Variants in GRM8 observed in about 807,000 individuals in gnomAD.
GRM8 encodes metabotropic glutamate receptor 8.
In GRM8, 47 loss-of-function variants were observed where a neutral mutation model predicts 87.2. That is an observed-to-expected ratio of 0.54 (90% CI 0.43 to 0.69). The LOEUF (loss-of-function observed/expected upper bound fraction) is 0.69. Among genes scored for constraint, GRM8 ranks in the 30% least tolerant of loss-of-function variants. The probability of loss-of-function intolerance (pLI) is 0.00; values close to 1 mark genes in which losing one functional copy is unlikely to be tolerated. For missense variants in GRM8, 1,019 were observed against 1,139.2 expected, an observed-to-expected ratio of 0.89 and a Z score of 1.52; for synonymous variants, 396 against 404.5, an observed-to-expected ratio of 0.98 and a Z score of 0.25.
intron 3 of GRM8, among the ~76,000 whole-genome samples, chr7:127,009,038 C>A (rs759380609): frequency 6.6e-5 from 10 of 151,788 alleles, no homozygotes; most frequent in Non-Finnish European, 1.2e-4. Flanking sequence ...AGCCACATAA[C>A]TTTTCCTGTA....
At chr7:126,968,126 G>C (rs1248321536) in intron 3 of GRM8, among the ~76,000 whole-genome samples, 1 of 152,116 alleles carries the variant, frequency 6.6e-6, no homozygotes, top group Non-Finnish European at 1.5e-5. Flanking sequence ...ATATCCATTA[G>C]ATGTAATATA....
intron 3 of GRM8, among the ~76,000 whole-genome samples, chr7:126,922,429 A>G (rs969710276): frequency 1.3e-5 from 2 of 152,130 alleles, no homozygotes; most frequent in African/African-American, 4.8e-5. Flanking sequence ...CTAAAAAAAA[A>G]ATCAAGAAAT....
At chr7:127,055,643 C>T (rs558673879) in intron 3 of GRM8, among the ~76,000 whole-genome samples, 1 of 151,410 alleles carries the variant, frequency 6.6e-6, no homozygotes, top group African/African-American at 2.4e-5. Flanking sequence ...GTCCAATCTG[C>T]TACCCATCCC....
intron 7 of GRM8, among the ~76,000 whole-genome samples, chr7:126,628,025 G>T (rs1800866234): frequency 6.6e-6 from 1 of 152,088 alleles, no homozygotes; most frequent in Non-Finnish European, 1.5e-5. Flanking sequence ...GAATAAATGG[G>T]AAAGTAGTCC....
At chr7:127,048,442 G>A (rs1474971110) in intron 3 of GRM8, among the ~76,000 whole-genome samples, 2 of 152,212 alleles carry the variant, frequency 1.3e-5, no homozygotes, top group Admixed American at 6.5e-5. Context: ...TTAAACAGAG[G>A]AATAAGGTGG....
At chr7:127,119,676 T>G (rs1383440347) in intron 2 of GRM8, among the ~76,000 whole-genome samples, 1 of 152,216 alleles carries the variant, frequency 6.6e-6, no homozygotes, top group African/African-American at 2.4e-5. Flanking sequence ...GTAGTCTTGG[T>G]GAAAGGTGTT....
At chr7:126,699,478 A>G (rs978571461) in intron 7 of GRM8, among the ~76,000 whole-genome samples, 1 of 152,146 alleles carries the variant, frequency 6.6e-6, no homozygotes, top group African/African-American at 2.4e-5. Flanking sequence ...ATGCCTAAGG[A>G]TTTGAGACTC....
intron 7 of GRM8, among the ~76,000 whole-genome samples, chr7:126,765,496 G>A (rs1818101810): frequency 6.6e-6 from 1 of 151,990 alleles, no homozygotes. Flanking sequence ...ATAGGGCAAG[G>A]GAGTAGGGAG....
At chr7:126,643,319 A>AATATATATATATATAT (rs1198296006) in intron 7 of GRM8, among the ~76,000 whole-genome samples, 2 of 36,194 alleles carry the variant, frequency 5.5e-5, no homozygotes, top group African/African-American at 1.3e-4. Flanking sequence ...AAAAAAAAAA[A>AATATATATATATATAT]ATATATATAT....
At chr7:126,790,038 G>A (rs898966964) in intron 6 of GRM8, among the ~76,000 whole-genome samples, 11 of 148,662 alleles carry the variant, frequency 7.4e-5, no homozygotes, top group Non-Finnish European at 1.5e-4. Flanking sequence ...ACAGAGTTTC[G>A]CTCTTGTCGC....
rs1348161015 is a variant in GRM8 at position 126,770,012 on chromosome 7, A to T, written c.1210T>A (p.Phe404Ile). The T allele has an allele frequency of 3.7e-6, 6 of 1,612,802 alleles. No homozygotes were observed. Among genetic ancestry groups the T allele is most frequent in the Non-Finnish European group, 5.1e-6 (6 of 1,179,264 alleles). Reference protein sequence around the residue: ...SSYEQEGKVQFVIDAVYSMAY... With the variant: ...SSYEQEGKVQIVIDAVYSMAY... ...ATGGAATATACAGCATCAATTACAA[A>T]TTGGACCTTTCCTTCCTGTTCATAA... Residue 404 changes from phenylalanine to isoleucine, a missense_variant, in exon 7 of 11, where the codon TTT becomes ATT. Transcript: ENST00000339582.
At chr7:126,595,221 T>A (rs1161376304) in intron 8 of GRM8, among the ~76,000 whole-genome samples, 2 of 151,746 alleles carry the variant, frequency 1.3e-5, no homozygotes, top group East Asian at 3.9e-4. Flanking sequence ...TTTGTTTTTT[T>A]GGTTTTTGTT....
intron 3 of GRM8, among the ~76,000 whole-genome samples, chr7:127,027,299 G>A (rs541707387): frequency 6.6e-6 from 1 of 152,114 alleles, no homozygotes. Flanking sequence ...TTTTGCTTAG[G>A]ATTGTCTTGG....
chr7:127,047,219 T>C (rs967090528), intron 3 of GRM8, among the ~76,000 whole-genome samples: 1 of 152,204 alleles, frequency 6.6e-6, no homozygotes, highest in Non-Finnish European at 1.5e-5. Flanking sequence ...AGTGACATAG[T>C]TGAGTAGTTG....
intron 3 of GRM8, among the ~76,000 whole-genome samples, chr7:126,967,175 G>A (rs2131733837): frequency 6.6e-6 from 1 of 152,264 alleles, no homozygotes; most frequent in African/African-American, 2.4e-5. Flanking sequence ...GTTTGTGTGT[G>A]TGTGTGTACA....
At chr7:126,757,452 A>G (rs975134204) in intron 7 of GRM8, among the ~76,000 whole-genome samples, 1 of 152,182 alleles carries the variant, frequency 6.6e-6, no homozygotes, top group Non-Finnish European at 1.5e-5. Flanking sequence ...TACTTTCTCT[A>G]AAGTTAACAA....
chr7:126,481,713 G>A (rs533122929), intron 9 of GRM8, among the ~76,000 whole-genome samples: 8 of 152,078 alleles, frequency 5.3e-5, no homozygotes, highest in South Asian at 2.1e-4. Flanking sequence ...TTAAGATAAC[G>A]TGGGATCCAG....
chr7:126,456,540 A>AAAAAAAAAAAAAAAAAAAAAAAC (rs1803261440), intron 9 of GRM8, among the ~76,000 whole-genome samples: 1 of 148,726 alleles, frequency 6.7e-6, no homozygotes, highest in Non-Finnish European at 1.5e-5. Context: ...AAAAAAAAAA[A>AAAAAAAAAAAAAAAAAAAAAAAC]AAAAAATCAA....
intron 2 of GRM8, among the ~76,000 whole-genome samples, chr7:127,189,276 T>C (rs1377452088): frequency 6.6e-6 from 1 of 152,198 alleles, no homozygotes; most frequent in Non-Finnish European, 1.5e-5. Context: ...TAAACAGTAA[T>C]TCTCAAGTGC....
Sources: allele counts gnomAD v4.1 joint callset (sites outside exome capture counted in the v4.1 genomes callset), GRCh38; gene constraint gnomAD v4.1.1; transcripts MANE v1.5; gene names NCBI Gene and HGNC (gene_info 2026-07-23, HGNC 2026-07-21).